The following BBS9 variants were observed in gnomAD, a reference collection of about 807,000 sequenced individuals.
The protein encoded by BBS9 is protein PTHB1.
BBS9 carries 89 observed loss-of-function variants against 117.7 expected under a neutral mutation model. That is an observed-to-expected ratio of 0.76 (90% CI 0.64 to 0.90). The LOEUF (loss-of-function observed/expected upper bound fraction) is 0.90. Among genes scored for constraint, BBS9 ranks in the 40% least tolerant of loss-of-function variants. The pLI is 0.00. For missense variants in BBS9, 982 were observed against 1,042.2 expected (o/e 0.94, Z 0.80); for synonymous variants, 379 against 370.9 (o/e 1.02, Z -0.25).
chr7:33,136,764 A>G (rs1418319190), intron 1 of BBS9, among the ~76,000 whole-genome samples: 2 of 152,202 alleles, frequency 1.3e-5, no homozygotes, highest in Admixed American at 6.5e-5. Context: ...ATCCATATGC[A>G]TAAGGGATAT....
At chr7:33,350,233 T>C (rs1818380762) in intron 13 of BBS9, among the ~76,000 whole-genome samples, 1 of 152,174 alleles carries the variant, frequency 6.6e-6, no homozygotes, top group Non-Finnish European at 1.5e-5. Context: ...TATCTTTCTT[T>C]TTTTGCCTCC....
At chr7:33,555,607 G>A (rs67866443) in intron 21 of BBS9, among the ~76,000 whole-genome samples, 71,702 of 151,884 alleles carry the variant, frequency 0.47, 17,515 homozygotes, top group South Asian at 0.58. Flanking sequence ...TTAAAATTGA[G>A]AGGATTTGGT....
intron 5 of BBS9, among the ~76,000 whole-genome samples, chr7:33,187,605 T>G (rs1312914537): frequency 6.6e-6 from 1 of 152,206 alleles, no homozygotes; most frequent in African/African-American, 2.4e-5. Context: ...TTAGTTTTCT[T>G]GGAATAGACA....
At chr7:33,313,963 T>C (rs1462614300) in intron 9 of BBS9, among the ~76,000 whole-genome samples, 1 of 152,108 alleles carries the variant, frequency 6.6e-6, no homozygotes, top group Admixed American at 6.5e-5. Flanking sequence ...GGCTCCTGGG[T>C]TTTTGTGTTC....
chr7:33,274,365 T>G (rs1800353464), intron 9 of BBS9, among the ~76,000 whole-genome samples: 2 of 152,272 alleles, frequency 1.3e-5, no homozygotes, highest in Admixed American at 6.5e-5. Flanking sequence ...AGACGTTTCA[T>G]TAAGTCAAGT....
intron 17 of BBS9, among the ~76,000 whole-genome samples, chr7:33,376,192 C>T (rs1823857920): frequency 6.6e-6 from 1 of 152,102 alleles, no homozygotes; most frequent in Middle Eastern, 3.2e-3. Context: ...CCACCCTCCA[C>T]TCTGAGGTAG....
intron 21 of BBS9, among the ~76,000 whole-genome samples, chr7:33,598,129 G>A (rs1863173677): frequency 6.6e-6 from 1 of 151,788 alleles, no homozygotes; most frequent in Non-Finnish European, 1.5e-5. Context: ...CTCTCCTTCA[G>A]GGGCCTCTCT....
At chr7:33,181,979 C>T (rs1199702570) in intron 5 of BBS9, among the ~76,000 whole-genome samples, 3 of 152,094 alleles carry the variant, frequency 2.0e-5, no homozygotes, top group Admixed American at 6.5e-5. Context: ...CTCAGCTACC[C>T]GGGAGGCTGA....
intron 10 of BBS9, among the ~76,000 whole-genome samples, chr7:33,339,752 C>A (rs1284724762): frequency 6.6e-6 from 1 of 152,142 alleles, no homozygotes; most frequent in Non-Finnish European, 1.5e-5. Flanking sequence ...CCACTCCCAA[C>A]TTCCCTTACC....
At chr7:33,525,765 T>A (rs1192360840) in intron 20 of BBS9, among the ~76,000 whole-genome samples, 2 of 129,918 alleles carry the variant, frequency 1.5e-5, no homozygotes, top group African/African-American at 6.2e-5. Context: ...GTTAATATTG[T>A]TATGTGTGAA....
Position 33,326,685 on chromosome 7 carries a change from A to G in BBS9, c.1017-9756A>G, listed in dbSNP as rs78461764. On this transcript the variant is annotated intron_variant, in intron 9 of 22. Transcript: ENST00000242067. ...ACTATTCAGGGCCCAAGGGCTCTTT[A>G]ATCAGTAGGTAATGAAACTTGCCTT... Among the ~76,000 whole-genome samples the G allele has an allele frequency of 6.8e-4, 103 of 151,890 alleles. 1 individual carries two copies. The East Asian group carries it at 0.019, about 27-fold the overall frequency.
At chr7:33,312,724 T>G (rs1427047250) in intron 9 of BBS9, among the ~76,000 whole-genome samples, 1 of 152,188 alleles carries the variant, frequency 6.6e-6, no homozygotes, top group East Asian at 1.9e-4. Flanking sequence ...ATGACCTCCC[T>G]AGCCTTAACA....
At chr7:33,393,977 C>G (rs1827512567) in intron 19 of BBS9, among the ~76,000 whole-genome samples, 1 of 152,166 alleles carries the variant, frequency 6.6e-6, no homozygotes, top group South Asian at 2.1e-4. Context: ...ACATCCCCAT[C>G]TTATTTTTGC....
intron 20 of BBS9, among the ~76,000 whole-genome samples, chr7:33,525,988 T>G (rs1849431166): frequency 6.6e-6 from 1 of 151,756 alleles, no homozygotes; most frequent in Non-Finnish European, 1.5e-5. Context: ...TAAAGTATTT[T>G]ATTTCTCCTT....
intron 9 of BBS9, among the ~76,000 whole-genome samples, chr7:33,292,432 G>A (rs141635913): frequency 0.038 from 5,742 of 152,032 alleles, 195 homozygotes; most frequent in African/African-American, 0.088. Flanking sequence ...TCACCATGTT[G>A]GCCAGGCTGG....
intron 5 of BBS9, among the ~76,000 whole-genome samples, chr7:33,256,094 A>G (rs1797013722): frequency 6.6e-6 from 1 of 152,190 alleles, no homozygotes; most frequent in Non-Finnish European, 1.5e-5. Context: ...TGGAGGTTGC[A>G]GTGAGCTGAG....
intron 19 of BBS9, among the ~76,000 whole-genome samples, chr7:33,486,520 A>G (rs1382759147): frequency 1.3e-5 from 2 of 152,244 alleles, no homozygotes; most frequent in African/African-American, 2.4e-5. Flanking sequence ...TTTAAAGTGA[A>G]TAAATCCCTT....
In BBS9 at chr7:33,155,507, G is replaced by A. The variant is rs12701275; in HGVS notation, c.264-131G>A. ...TTATATTTATTTTTCAGTTTAGAATGTTATCTAATGAATTGTTTTGTTTAC... is the reference window on the plus strand; with the variant it reads ...TTATATTTATTTTTCAGTTTAGAATATTATCTAATGAATTGTTTTGTTTAC... On this transcript the variant is annotated intron_variant, in intron 3 of 22. Coordinates refer to ENST00000242067, the MANE Select transcript of BBS9 (RefSeq NM_198428.3). 0.19 allele frequency: 118,147 copies of A among 626,232 alleles called. 13,333 individuals carry two copies. Among genetic ancestry groups the A allele is most frequent in the South Asian group, 0.23 (12,826 of 54,682 alleles). 38.8% of individuals were successfully genotyped at this position (626,232 alleles called of 1,614,324 possible). A position where few individuals can be genotyped will look rare whatever the true frequency, so the allele number is the denominator to read the frequency against.
chr7:33,146,398 A>G (rs768898699), intron 2 of BBS9, 34 bp downstream of exon 2: 2 of 1,524,422 alleles, frequency 1.3e-6, no homozygotes, highest in South Asian at 1.1e-5. Context: ...CTTGGATGAA[A>G]GTTTTAAAGA....
Sources: allele counts gnomAD v4.1 joint callset (sites outside exome capture counted in the v4.1 genomes callset), GRCh38; gene constraint gnomAD v4.1.1; transcripts MANE v1.5; gene names NCBI Gene and HGNC (gene_info 2026-07-23, HGNC 2026-07-21).